ERC2: variants seen among roughly 807,000 people sequenced by gnomAD.
ERC2 encodes the protein ELKS/RAB6-interacting/CAST family member 2, also known as ERC protein 2.
ERC2 carries 42 observed loss-of-function variants against 114.8 expected under a neutral mutation model. The ratio of observed to expected loss-of-function variants is 0.37; its 90% confidence interval spans 0.29 to 0.47. ERC2 has a LOEUF of 0.47. ERC2 is among the 20% of genes least tolerant of loss of function. The pLI is 0.99. For synonymous variants in ERC2, 454 were observed against 425.5 expected, an observed-to-expected ratio of 1.07 and a Z score of -0.82; for missense variants, 939 against 1,150.7, an observed-to-expected ratio of 0.82 and a Z score of 2.66.
chr3:56,187,973 G>A (rs889310755), intron 3 of ERC2, among the ~76,000 whole-genome samples: 1 of 152,264 alleles, frequency 6.6e-6, no homozygotes, highest in South Asian at 2.1e-4. Context: ...GGATGAGCAG[G>A]AACCAGCACG....
At chr3:56,245,351 A>G (rs2051609129) in intron 3 of ERC2, among the ~76,000 whole-genome samples, 1 of 152,086 alleles carries the variant, frequency 6.6e-6, no homozygotes, top group Non-Finnish European at 1.5e-5. Flanking sequence ...TTTGAACTTG[A>G]TCATTTTGGG....
At chr3:55,516,146 G>A (rs1398299298) in intron 17 of ERC2, among the ~76,000 whole-genome samples, 2 of 152,024 alleles carry the variant, frequency 1.3e-5, no homozygotes, top group African/African-American at 4.8e-5. Context: ...AACGGTTGGA[G>A]GAGAAGAGCT....
chr3:55,538,523 C>A (rs1330495697), intron 17 of ERC2, among the ~76,000 whole-genome samples: 1 of 152,216 alleles, frequency 6.6e-6, no homozygotes, highest in Admixed American at 6.5e-5. Flanking sequence ...AGCAAAGCTG[C>A]TGGCAAAATG....
At chr3:56,377,652 A>G (rs2059594095) in intron 2 of ERC2, among the ~76,000 whole-genome samples, 1 of 152,200 alleles carries the variant, frequency 6.6e-6, no homozygotes, top group African/African-American at 2.4e-5. Flanking sequence ...CAAATGGGAG[A>G]TCATATCGTA....
chr3:55,566,445 T>G lies in ERC2; in HGVS notation c.*40-55169A>C, dbSNP rs1049043154. Among the ~76,000 whole-genome samples, 31 of 109,530 alleles carry G rather than the reference T, an allele frequency of 2.8e-4. 1 individual carries two copies. The highest frequency in any genetic ancestry group is 1.3e-3 in the Admixed American group (15 of 11,970). 71.9% of individuals were successfully genotyped at this position (109,530 alleles called of 152,430 possible). A position where few individuals can be genotyped will look rare whatever the true frequency, so the allele number is the denominator to read the frequency against. On this transcript the variant is annotated intron_variant, in intron 17 of 17. Transcript: ENST00000288221. ...TATTTATTTATTTATTTATTTATGA[T>G]GGAGTCTCGCTCTGTTGCCCAGGTT...
intron 14 of ERC2, among the ~76,000 whole-genome samples, chr3:55,872,220 A>G (rs1559795361): frequency 6.6e-6 from 1 of 152,172 alleles, no homozygotes; most frequent in Non-Finnish European, 1.5e-5. Context: ...ACTCCATTCT[A>G]CAGAGGCATC....
At chr3:56,241,855 A>G (rs1255160824) in intron 3 of ERC2, among the ~76,000 whole-genome samples, 1 of 152,240 alleles carries the variant, frequency 6.6e-6, no homozygotes, top group East Asian at 1.9e-4. Context: ...CATATGGGTT[A>G]AATGCCAGCT....
At chr3:55,860,009 G>C (rs1175910213) in intron 14 of ERC2, among the ~76,000 whole-genome samples, 1 of 152,024 alleles carries the variant, frequency 6.6e-6, no homozygotes, top group Non-Finnish European at 1.5e-5. Context: ...TTTAAAGCAC[G>C]TATTATGTTG....
At chr3:55,626,416 G>A (rs1048020185) in intron 17 of ERC2, among the ~76,000 whole-genome samples, 4 of 152,152 alleles carry the variant, frequency 2.6e-5, no homozygotes, top group African/African-American at 7.2e-5. Flanking sequence ...CCCTAAGTCC[G>A]CTAAAGCATA....
intron 14 of ERC2, among the ~76,000 whole-genome samples, chr3:55,801,139 G>C (rs1429254341): frequency 1.3e-5 from 2 of 152,146 alleles, no homozygotes; most frequent in African/African-American, 4.8e-5. Flanking sequence ...TGAAATATCT[G>C]TTTCTATTGG....
intron 17 of ERC2, among the ~76,000 whole-genome samples, chr3:55,566,991 G>A (rs901269850): frequency 1.3e-5 from 2 of 152,192 alleles, no homozygotes; most frequent in African/African-American, 4.8e-5. Context: ...ATAAGCCACT[G>A]TGCCTGACCG....
At chr3:55,945,802 G>A (rs1272552129) in intron 13 of ERC2, among the ~76,000 whole-genome samples, 1 of 152,048 alleles carries the variant, frequency 6.6e-6, no homozygotes, top group Non-Finnish European at 1.5e-5. Flanking sequence ...GGGCAGAGAA[G>A]AAACTTTACG....
chr3:55,837,119 G>C (rs897397780), intron 14 of ERC2, among the ~76,000 whole-genome samples: 1 of 152,176 alleles, frequency 6.6e-6, no homozygotes, highest in African/African-American at 2.4e-5. Flanking sequence ...GTGCTGGAGA[G>C]GATGTGGAGA....
intron 12 of ERC2, among the ~76,000 whole-genome samples, chr3:55,954,823 C>T (rs2067827574): frequency 6.6e-6 from 1 of 151,896 alleles, no homozygotes; most frequent in African/African-American, 2.4e-5. Context: ...AAACAGCCTA[C>T]AAAAGTGCTT....
chr3:55,754,505 T>G (rs1425169197), intron 14 of ERC2, among the ~76,000 whole-genome samples: 1 of 92,904 alleles, frequency 1.1e-5, no homozygotes, highest in African/African-American at 3.2e-5. Flanking sequence ...AAAAGCTTTC[T>G]GCAAAGGATT....
At chr3:55,524,578 GGACA>G (rs1205903195) in intron 17 of ERC2, among the ~76,000 whole-genome samples, 2 of 145,848 alleles carry the variant, frequency 1.4e-5, no homozygotes, top group Non-Finnish European at 3.0e-5. Flanking sequence ...GTACAAACCT[GGACA>G]GGAAGACTTG....
At chr3:55,937,343 C>T (rs1036049956) in intron 13 of ERC2, among the ~76,000 whole-genome samples, 18 of 152,048 alleles carry the variant, frequency 1.2e-4, no homozygotes, top group Non-Finnish European at 1.8e-4. Context: ...AGTGAGACTC[C>T]GTCTCAAAAA....
At chr3:56,428,033 T>C (rs966885084) in intron 2 of ERC2, among the ~76,000 whole-genome samples, 40 of 152,300 alleles carry the variant, frequency 2.6e-4, no homozygotes, top group African/African-American at 9.4e-4. Flanking sequence ...GAAGGATCCA[T>C]GGTTTCTTAG....
chr3:55,771,697 A>C (rs2068215835), intron 14 of ERC2, among the ~76,000 whole-genome samples: 2 of 149,822 alleles, frequency 1.3e-5, no homozygotes, highest in African/African-American at 4.9e-5. Context: ...TCAAAACAGC[A>C]GTAACTCTTG....
Sources: gnomAD v4.1 joint callset for allele counts (sites outside exome capture counted in the v4.1 genomes callset) on GRCh38, gnomAD v4.1.1 for gene constraint, MANE v1.5 for transcripts, NCBI Gene and HGNC (gene_info 2026-07-23, HGNC 2026-07-21) for gene names.